Variants in SMIM8 observed in about 807,000 individuals in gnomAD.
The protein encoded by SMIM8 is UPF0708 protein C6orf162.
SMIM8 carries 8 observed loss-of-function variants against 8.1 expected under a neutral mutation model. That is an observed-to-expected ratio of 0.99 (90% CI 0.58 to 1.78). The LOEUF (loss-of-function observed/expected upper bound fraction) is 1.78, where lower values mean the gene tolerates loss of function less well. SMIM8 is among the 40% of genes most tolerant of loss of function. The probability of loss-of-function intolerance (pLI) is 0.00; values close to 1 mark genes in which losing one functional copy is unlikely to be tolerated. For synonymous variants in SMIM8, 45 were observed against 39.7 expected, an observed-to-expected ratio of 1.13 and a Z score of -0.50; for missense variants, 126 against 119.8, an observed-to-expected ratio of 1.05 and a Z score of -0.24.
chr6:87,332,281 A>G (rs1209399410), intron 2 of SMIM8, among the ~76,000 whole-genome samples: 1 of 148,006 alleles, frequency 6.8e-6, no homozygotes, highest in Non-Finnish European at 1.5e-5. Context: ...AGTTGTAACT[A>G]GTCTCTCTCT....
Position 87,337,401 on chromosome 6 carries a change from A to G in SMIM8, c.135+235A>G, listed in dbSNP as rs1777136769. Among the ~76,000 whole-genome samples, 2 of 152,212 alleles carry G rather than the reference A, an allele frequency of 1.3e-5. 1 individual carries two copies. Among genetic ancestry groups the G allele is most frequent in the Admixed American group, 1.3e-4 (2 of 15,280 alleles). ...TTATAATGAAAAATGGTTGCCCTTT[A>G]TTGGATTGGCTTCTCAAACTATCTA... On this transcript the variant is annotated intron_variant, in intron 3 of 3. Transcript: ENST00000392863.
At chr6:87,328,267 C>T (rs1334905682) in intron 1 of SMIM8, among the ~76,000 whole-genome samples, 1 of 151,576 alleles carries the variant, frequency 6.6e-6, no homozygotes, top group African/African-American at 2.4e-5. Context: ...AAGTCATTCT[C>T]CGTCCAACTT....
At chr6:87,335,807 A>C (rs900607173) in intron 2 of SMIM8, among the ~76,000 whole-genome samples, 1 of 142,644 alleles carries the variant, frequency 7.0e-6, no homozygotes, top group Non-Finnish European at 1.5e-5. Flanking sequence ...CAGGAGTTTG[A>C]GACCAGCCTG....
At position 87,341,327 on chromosome 6, in the gene SMIM8, C is replaced by T. The variant is rs935689370; in HGVS notation, c.*1053C>T. 7 of 398,428 alleles carry T rather than the reference C, an allele frequency of 1.8e-5. No individual in the cohort carries two copies. The highest frequency in any genetic ancestry group is 8.2e-5 in the African/African-American group (4 of 48,602). 24.7% of individuals were successfully genotyped at this position (398,428 alleles called of 1,614,324 possible). A position where few individuals can be genotyped will look rare whatever the true frequency, so the allele number is the denominator to read the frequency against. The stretch of plus-strand genomic sequence containing the variant: ...TGAGTGTAAACAAAGCCTAGCCCTA[C>T]GGTCAGTACCCACTGGAGGTGAGAA... On this transcript the variant is annotated 3_prime_UTR_variant, in exon 4 of 4. Transcript: ENST00000392863.
intron 2 of SMIM8, among the ~76,000 whole-genome samples, chr6:87,333,508 C>A (rs943590034): frequency 6.6e-6 from 1 of 152,160 alleles, no homozygotes; most frequent in Non-Finnish European, 1.5e-5. Context: ...ATTCTAAATA[C>A]CTTTATAAAC....
intron 2 of SMIM8, among the ~76,000 whole-genome samples, chr6:87,334,634 G>A (rs898170692): frequency 6.6e-6 from 1 of 152,164 alleles, no homozygotes; most frequent in Non-Finnish European, 1.5e-5. Flanking sequence ...GATGAAACAG[G>A]TGTTCTTGTT....
intron 1 of SMIM8, among the ~76,000 whole-genome samples, chr6:87,324,952 G>A (rs1283042141): frequency 2.6e-5 from 4 of 152,092 alleles, no homozygotes; most frequent in Non-Finnish European, 5.9e-5. Context: ...TCCTTGAGCA[G>A]TGGTTTGTAG....
At chr6:87,328,994 G>C (rs904868609) in intron 1 of SMIM8, 1 of 154,054 alleles carries the variant, frequency 6.5e-6, no homozygotes, top group East Asian at 1.9e-4. Flanking sequence ...CGCAGGATTC[G>C]GGTGGGAGTG....
chr6:87,338,748 T>C (rs931911939), intron 3 of SMIM8, among the ~76,000 whole-genome samples: 1 of 152,136 alleles, frequency 6.6e-6, no homozygotes, highest in Admixed American at 6.5e-5. Context: ...GAAACTGTTA[T>C]TTATATCACT....
intron 2 of SMIM8, among the ~76,000 whole-genome samples, chr6:87,333,703 A>T (rs1777043301): frequency 1.3e-5 from 2 of 152,194 alleles, no homozygotes; most frequent in South Asian, 4.1e-4. Context: ...GAAAGTTTAA[A>T]AAGGGATTCT....
intron 1 of SMIM8, among the ~76,000 whole-genome samples, chr6:87,323,286 GTTA>G (rs200940145): frequency 6.6e-5 from 10 of 151,816 alleles, no homozygotes; most frequent in African/African-American, 1.9e-4. Flanking sequence ...TTATTTATTT[GTTA>G]TTATTATAAG....
intron 1 of SMIM8, among the ~76,000 whole-genome samples, chr6:87,328,074 C>T (rs866251201): frequency 3.3e-5 from 5 of 152,186 alleles, no homozygotes; most frequent in Admixed American, 6.5e-5. Context: ...GCATTCTTCA[C>T]GTAGTTCTTG....
intron 1 of SMIM8, among the ~76,000 whole-genome samples, chr6:87,325,175 A>C (rs188303654): frequency 6.6e-6 from 1 of 152,146 alleles, no homozygotes; most frequent in Non-Finnish European, 1.5e-5. Context: ...GGCTGAGACA[A>C]TGGGGTTTTC....
intron 1 of SMIM8, among the ~76,000 whole-genome samples, chr6:87,324,046 G>A (rs1444552213): frequency 6.7e-6 from 1 of 149,544 alleles, no homozygotes; most frequent in Non-Finnish European, 1.5e-5. Flanking sequence ...ATTTTTTCAT[G>A]TGTGTTTTGG....
intron 3 of SMIM8, among the ~76,000 whole-genome samples, chr6:87,338,434 C>T (rs1777156982): frequency 6.6e-6 from 1 of 152,122 alleles, no homozygotes; most frequent in Non-Finnish European, 1.5e-5. Context: ...ACAAAAGTTG[C>T]TTTTCAGTAA....
chr6:87,325,948 G>C (rs558953619), intron 1 of SMIM8, among the ~76,000 whole-genome samples: 50 of 152,332 alleles, frequency 3.3e-4, no homozygotes, highest in Middle Eastern at 3.4e-3. Flanking sequence ...TTCAGCTCCT[G>C]TTATTGGTCT....
chr6:87,327,120 G>A (rs1183745641), intron 1 of SMIM8, among the ~76,000 whole-genome samples: 2 of 151,438 alleles, frequency 1.3e-5, no homozygotes, highest in Non-Finnish European at 1.5e-5. Flanking sequence ...CATTTGCTTG[G>A]TAGATGTTCC....
chr6:87,337,272 A>G, intron 3 of SMIM8, 106 bp downstream of exon 3: 1 of 1,267,732 alleles, frequency 7.9e-7, no homozygotes, highest in Admixed American at 2.5e-5. Flanking sequence ...TATGTTGACA[A>G]GTAAGACCTC....
intron 1 of SMIM8, among the ~76,000 whole-genome samples, chr6:87,327,068 T>C (rs1776840957): frequency 6.6e-6 from 1 of 151,024 alleles, no homozygotes; most frequent in Non-Finnish European, 1.5e-5. Flanking sequence ...AAGTCTGTTT[T>C]ATCAGAGACT....
Sources: gnomAD v4.1 joint callset for allele counts (sites outside exome capture counted in the v4.1 genomes callset) on GRCh38, gnomAD v4.1.1 for gene constraint, MANE v1.5 for transcripts, NCBI Gene and HGNC (gene_info 2026-07-23, HGNC 2026-07-21) for gene names.